FRMD6: variants seen among roughly 807,000 people sequenced by gnomAD.
FRMD6 encodes the protein FERM domain containing 6.
In FRMD6, 37 loss-of-function variants were observed where a neutral mutation model predicts 73.2. The observed-to-expected ratio is 0.51, with a 90% CI of 0.39 to 0.66. The LOEUF is 0.66. FRMD6 is among the 30% of genes least tolerant of loss of function. FRMD6 has a pLI of 0.00. For missense variants in FRMD6, 714 were observed against 780.5 expected, an observed-to-expected ratio of 0.91 and a Z score of 1.02; for synonymous variants, 273 against 282.2, an observed-to-expected ratio of 0.97 and a Z score of 0.33.
At position 51,679,735 on chromosome 14, in the gene FRMD6, C is replaced by G. The variant is rs75729286; in HGVS notation, c.-146-9956C>G. 7.7e-3 allele frequency among the ~76,000 whole-genome samples: 1,169 copies of G among 152,172 alleles called. 7 individuals carry two copies. The highest frequency in any genetic ancestry group is 0.011 in the Non-Finnish European group (759 of 67,984). The stretch of plus-strand genomic sequence containing the variant: ...AGATATTTGAAGATCCCCATCACTT[C>G]TTTTATGGGCTTCATTGTAATAGTT... On this transcript the variant is annotated intron_variant, in intron 1 of 13. Transcript: ENST00000344768.
At chr14:51,439,050 G>A in the FRMD6 span, among the ~76,000 whole-genome samples, 3 of 152,212 alleles carry the variant, frequency 2.0e-5, no homozygotes, top group Non-Finnish European at 2.9e-5. Flanking sequence ...GAAGCGTAAT[G>A]CGGAAGCTTT....
chr14:51,532,075 A>G (rs1885613824), intron 1 of FRMD6, among the ~76,000 whole-genome samples: 1 of 152,204 alleles, frequency 6.6e-6, no homozygotes, highest in Admixed American at 6.6e-5. Context: ...GCTTTTTAAA[A>G]GAAATTATTG....
At chr14:51,646,656 C>G (rs1031833012) in intron 2 of FRMD6, among the ~76,000 whole-genome samples, 1 of 150,998 alleles carries the variant, frequency 6.6e-6, no homozygotes, top group Non-Finnish European at 1.5e-5. Context: ...AAACAGAATA[C>G]ATGAGTTAAG....
chr14:51,640,294 G>A (rs575104089), intron 2 of FRMD6, among the ~76,000 whole-genome samples: 1 of 152,138 alleles, frequency 6.6e-6, no homozygotes, highest in South Asian at 2.1e-4. Flanking sequence ...AGCATTTTGG[G>A]GCTTCAAATT....
At chr14:51,491,623 A>T (rs1883006870) in intron 1 of FRMD6, 1 of 152,226 alleles carries the variant, frequency 6.6e-6, no homozygotes, top group Admixed American at 6.5e-5. Context: ...CCCATTTCAT[A>T]GAAACAAACA....
chr14:51,612,797 C>T (rs117787017), intron 2 of FRMD6, among the ~76,000 whole-genome samples: 1 of 152,082 alleles, frequency 6.6e-6, no homozygotes, highest in East Asian at 1.9e-4. Context: ...TTAAATAAAC[C>T]CCTACCAGTT....
the FRMD6 span, among the ~76,000 whole-genome samples, chr14:51,440,983 T>C: frequency 6.6e-6 from 1 of 152,230 alleles, no homozygotes; most frequent in Non-Finnish European, 1.5e-5. Flanking sequence ...TTTTAGATGT[T>C]TAGAACATCT....
intron 2 of FRMD6, among the ~76,000 whole-genome samples, chr14:51,638,835 G>C (rs773089438): frequency 2.0e-5 from 3 of 152,182 alleles, no homozygotes; most frequent in Non-Finnish European, 4.4e-5. Context: ...CTTGCCAAAT[G>C]ACCTCACATA....
intron 1 of FRMD6, among the ~76,000 whole-genome samples, chr14:51,681,237 TA>T (rs1277109433): frequency 6.6e-6 from 1 of 152,218 alleles, no homozygotes. Context: ...AGAAGTTAAA[TA>T]ATCTGTTAGC....
At chr14:51,635,807 C>A (rs1286836536) in intron 2 of FRMD6, among the ~76,000 whole-genome samples, 5 of 152,170 alleles carry the variant, frequency 3.3e-5, no homozygotes, top group Non-Finnish European at 7.4e-5. Context: ...AAGTAGAATA[C>A]CTGACATGTA....
intron 1 of FRMD6, among the ~76,000 whole-genome samples, chr14:51,653,987 C>G (rs1371532345): frequency 2.0e-5 from 3 of 152,070 alleles, no homozygotes; most frequent in Non-Finnish European, 4.4e-5. Context: ...GAGTTGCTTG[C>G]AAGAATCTCT....
the FRMD6 span, among the ~76,000 whole-genome samples, chr14:51,419,589 G>C: frequency 1.3e-5 from 2 of 152,194 alleles, no homozygotes; most frequent in Non-Finnish European, 2.9e-5. Context: ...AGGCAGGTTT[G>C]TGTGATCCAG....
chr14:51,412,630 T>C, the FRMD6 span, among the ~76,000 whole-genome samples: 2 of 152,018 alleles, frequency 1.3e-5, no homozygotes, highest in Non-Finnish European at 2.9e-5. Context: ...GGCGGGTGGA[T>C]CACGAGGTCA....
chr14:51,696,845 A>G lies in FRMD6; in HGVS notation c.100-1297A>G, dbSNP rs139012955. ...GATGAGTTTTTGGGGTAGACTATTA[A>G]GAGGAAAGCTTTCCTTGAAAGGATA... is the stretch of plus-strand genomic sequence containing the variant. On this transcript the variant is annotated intron_variant, in intron 2 of 13. Coordinates refer to ENST00000344768, the MANE Select transcript of FRMD6 (RefSeq NM_001267046.2). Among the ~76,000 whole-genome samples, 238 of 152,278 alleles carry G rather than the reference A, an allele frequency of 1.6e-3. 2 individuals carry two copies. The highest frequency in any genetic ancestry group is 0.014 in the East Asian group (72 of 5,170).
intron 1 of FRMD6, among the ~76,000 whole-genome samples, chr14:51,503,110 A>T (rs940335871): frequency 9.9e-5 from 15 of 152,160 alleles, no homozygotes; most frequent in Middle Eastern, 6.8e-3. Context: ...AGACAATGGG[A>T]TTTTCTAGAT....
chr14:51,608,052 T>TC (rs34110792), intron 2 of FRMD6, among the ~76,000 whole-genome samples: 73,056 of 151,916 alleles, frequency 0.48, 18,542 homozygotes, highest in Non-Finnish European at 0.58. Context: ...AAACCATTAT[T>TC]CCCAAACCCA....
chr14:51,464,036 C>G, the FRMD6 span, among the ~76,000 whole-genome samples: 1 of 152,158 alleles, frequency 6.6e-6, no homozygotes. Context: ...TTTCCAATTG[C>G]TAGGCTCAAG....
the FRMD6 span, among the ~76,000 whole-genome samples, chr14:51,460,334 C>T: frequency 6.6e-6 from 1 of 152,186 alleles, no homozygotes; most frequent in Non-Finnish European, 1.5e-5. Context: ...GAGCATGGAA[C>T]ATAATTTGCT....
intron 2 of FRMD6, among the ~76,000 whole-genome samples, chr14:51,578,385 G>A (rs1888521129): frequency 6.6e-6 from 1 of 152,210 alleles, no homozygotes. Flanking sequence ...TACCATCTAA[G>A]TAATGAGGCA....
Sources: gnomAD v4.1 joint callset for allele counts (sites outside exome capture counted in the v4.1 genomes callset) on GRCh38, gnomAD v4.1.1 for gene constraint, MANE v1.5 for transcripts, NCBI Gene and HGNC (gene_info 2026-07-23, HGNC 2026-07-21) for gene names.